Variants in HIBADH observed in about 807,000 individuals in gnomAD.
The protein encoded by HIBADH is 3-hydroxyisobutyrate dehydrogenase.
In HIBADH, 25 loss-of-function variants were observed where a neutral mutation model predicts 36.1. That is an observed-to-expected ratio of 0.69 (90% confidence interval 0.50 to 0.97). The LOEUF (loss-of-function observed/expected upper bound fraction) is 0.97. Ranked by LOEUF, HIBADH falls within the 50% of genes least tolerant of loss-of-function variation. The pLI is 0.00. For missense variants in HIBADH, 421 were observed against 418.0 expected, an observed-to-expected ratio of 1.01 and a Z score of -0.06; for synonymous variants, 160 against 149.5, an observed-to-expected ratio of 1.07 and a Z score of -0.51.
At chr7:27,532,733 C>T (rs1400501435) in intron 6 of HIBADH, among the ~76,000 whole-genome samples, 2 of 152,266 alleles carry the variant, frequency 1.3e-5, no homozygotes, top group Middle Eastern at 3.4e-3. Flanking sequence ...TCATTCTGTT[C>T]AACTGTAGAT....
chr7:27,632,429 G>A lies in HIBADH; in HGVS notation c.269C>T (p.Ala90Val). 1 of 1,612,482 alleles carries A rather than the reference G, an allele frequency of 6.2e-7. No individual in the cohort carries two copies. The highest frequency in any genetic ancestry group is 8.5e-7 in the Non-Finnish European group (1 of 1,178,752). The change falls in exon 3 of 8, where the codon GCA (alanine) becomes GTA (valine). Residue 90 changes from alanine to valine, a missense_variant. Ala to Val is a moderately conservative substitution (Grantham distance 64, BLOSUM62 0). Coordinates refer to ENST00000265395, the MANE Select transcript of HIBADH (RefSeq NM_152740.4). ...TCTGTCAGCTTTTTCAGCAACATCTGCTGGGGAAGATACTACCTTTAAAAA... is the reference window on the plus strand; with the variant it reads ...TCTGTCAGCTTTTTCAGCAACATCTACTGGGGAAGATACTACCTTTAAAAA... Reference protein sequence around the residue: ...DAGEQVVSSPADVAEKADRII... With the variant: ...DAGEQVVSSPVDVAEKADRII...
chr7:27,661,518 G>T (rs149087215), intron 1 of HIBADH, among the ~76,000 whole-genome samples: 1 of 147,418 alleles, frequency 6.8e-6, no homozygotes, highest in African/African-American at 2.5e-5. Flanking sequence ...AGCCCAGGAG[G>T]TCGAGACTGC....
chr7:27,607,803 T>C (rs928323783), intron 4 of HIBADH, among the ~76,000 whole-genome samples: 1 of 152,148 alleles, frequency 6.6e-6, no homozygotes, highest in African/African-American at 2.4e-5. Context: ...CATTAGTGCA[T>C]AGAAAAATAC....
At chr7:27,605,807 G>T (rs12700822) in intron 4 of HIBADH, among the ~76,000 whole-genome samples, 115,212 of 151,870 alleles carry the variant, frequency 0.76, 44,120 homozygotes, top group East Asian at 0.94. Context: ...AAGTAAAATC[G>T]TTATATCTTT....
At chr7:27,553,355 C>G (rs960014300) in intron 4 of HIBADH, among the ~76,000 whole-genome samples, 1 of 152,196 alleles carries the variant, frequency 6.6e-6, no homozygotes, top group Non-Finnish European at 1.5e-5. Flanking sequence ...TCTTCTATCC[C>G]AAGTTGGCAG....
intron 4 of HIBADH, among the ~76,000 whole-genome samples, chr7:27,608,623 G>A (rs1462191673): frequency 6.6e-6 from 1 of 151,978 alleles, no homozygotes; most frequent in East Asian, 1.9e-4. Context: ...TGCTATCCAG[G>A]GATCACAAAC....
chr7:27,585,970 A>G (rs1399032866), intron 4 of HIBADH, among the ~76,000 whole-genome samples: 7 of 152,194 alleles, frequency 4.6e-5, no homozygotes, highest in Non-Finnish European at 1.0e-4. Context: ...ATTCTAATCT[A>G]AGAAGATAGG....
intron 2 of HIBADH, among the ~76,000 whole-genome samples, chr7:27,638,308 C>CAAAAAAAAAAAAAAAAAAAA (rs368715218): frequency 2.0e-4 from 11 of 55,462 alleles, no homozygotes; most frequent in African/African-American, 6.0e-4. Flanking sequence ...TTGGCAAAGT[C>CAAAAAAAAAAAAAAAAAAAA]AAAAAAAAAA....
At chr7:27,564,403 G>A (rs1367554869) in intron 4 of HIBADH, among the ~76,000 whole-genome samples, 1 of 152,010 alleles carries the variant, frequency 6.6e-6, no homozygotes, top group African/African-American at 2.4e-5. Flanking sequence ...AATATATGTA[G>A]AATTGTTTAT....
chr7:27,554,047 G>A (rs1194600135), intron 4 of HIBADH, among the ~76,000 whole-genome samples: 3 of 152,110 alleles, frequency 2.0e-5, no homozygotes, highest in Admixed American at 2.0e-4. Context: ...GTACAGTGGT[G>A]CGATCCCAGC....
intron 5 of HIBADH, among the ~76,000 whole-genome samples, chr7:27,542,242 A>G (rs1784161879): frequency 6.6e-6 from 1 of 151,812 alleles, no homozygotes; most frequent in South Asian, 2.1e-4. Context: ...ATATCTATGG[A>G]AAAAAAATAG....
chr7:27,645,359 A>C (rs1446047710), intron 2 of HIBADH, among the ~76,000 whole-genome samples: 1 of 73,952 alleles, frequency 1.4e-5, no homozygotes, highest in East Asian at 5.7e-4. Flanking sequence ...GGTGTGTCTC[A>C]TGGTTTTGAT....
In HIBADH at chr7:27,560,791, T is replaced by C. The variant is rs550347424; in HGVS notation, c.485-17691A>G. Among the ~76,000 whole-genome samples the C allele has an allele frequency of 3.3e-5, 5 of 152,324 alleles. No individual in the cohort carries two copies. In the East Asian group the frequency reaches 9.6e-4, roughly 29 times the overall value. Reference sequence around the variant, plus strand: ...TATGAGTACTGCTGCTATGAACATATGTGCTTTCAATTCTTTGGGCATATA... The same window carrying C: ...TATGAGTACTGCTGCTATGAACATACGTGCTTTCAATTCTTTGGGCATATA... On this transcript the variant is annotated intron_variant, in intron 4 of 7. Coordinates refer to ENST00000265395, the MANE Select transcript of HIBADH (RefSeq NM_152740.4).
At chr7:27,611,633 T>C (rs75859962) in intron 4 of HIBADH, among the ~76,000 whole-genome samples, 5,202 of 152,292 alleles carry the variant, frequency 0.034, 116 homozygotes, top group South Asian at 0.093. Context: ...ATCATACTTA[T>C]GAGACCTGTG....
At chr7:27,622,945 C>A (rs1785570924) in intron 4 of HIBADH, among the ~76,000 whole-genome samples, 2 of 152,070 alleles carry the variant, frequency 1.3e-5, no homozygotes, top group African/African-American at 2.4e-5. Flanking sequence ...CAAAATCAGA[C>A]AAGGACACAA....
intron 2 of HIBADH, among the ~76,000 whole-genome samples, chr7:27,643,674 C>T (rs983340999): frequency 6.6e-6 from 1 of 152,172 alleles, no homozygotes; most frequent in Admixed American, 6.5e-5. Context: ...ACCACAAGCA[C>T]CGTCGCTTAA....
At chr7:27,609,737 AAT>A (rs1167090810) in intron 4 of HIBADH, among the ~76,000 whole-genome samples, 2 of 152,198 alleles carry the variant, frequency 1.3e-5, no homozygotes, top group African/African-American at 4.8e-5. Context: ...CCTTTCATAT[AAT>A]AGTCAACGCA....
intron 4 of HIBADH, among the ~76,000 whole-genome samples, chr7:27,574,863 TTTTAAA>T (rs1418935731): frequency 1.3e-5 from 2 of 152,214 alleles, no homozygotes; most frequent in African/African-American, 4.8e-5. Context: ...GAACATACCA[TTTTAAA>T]TTATAAAATA....
At chr7:27,652,678 G>A (rs556412275) in intron 1 of HIBADH, among the ~76,000 whole-genome samples, 1 of 152,272 alleles carries the variant, frequency 6.6e-6, no homozygotes, top group East Asian at 1.9e-4. Context: ...TTTGCTGATG[G>A]CCATTTTCTC....
Sources: allele counts gnomAD v4.1 joint callset (sites outside exome capture counted in the v4.1 genomes callset), GRCh38; gene constraint gnomAD v4.1.1; transcripts MANE v1.5; gene names NCBI Gene and HGNC (gene_info 2026-07-23, HGNC 2026-07-21).